The following SLC44A5 variants were observed in gnomAD, a reference collection of about 807,000 sequenced individuals.
The protein encoded by SLC44A5 is solute carrier family 44 member 5.
A neutral mutation model predicts 101.8 loss-of-function variants in SLC44A5; 57 were observed. The observed-to-expected ratio is 0.56, with a 90% CI of 0.45 to 0.70. The LOEUF is 0.70. Among genes scored for constraint, SLC44A5 ranks in the 30% least tolerant of loss-of-function variants. The probability of loss-of-function intolerance (pLI) is 0.00; values close to 1 mark genes in which losing one functional copy is unlikely to be tolerated. For missense variants in SLC44A5, 737 were observed against 853.1 expected (o/e 0.86, Z 1.70); for synonymous variants, 281 against 290.9 (o/e 0.97, Z 0.35).
In SLC44A5 at chr1:75,217,888, T is replaced by G. The variant is rs777252505; in HGVS notation, c.1602A>C (p.Glu534Asp). 6.3e-7 allele frequency: 1 copy of G among 1,598,666 alleles called. No individual in the cohort carries two copies. Among genetic ancestry groups the G allele is most frequent in the Non-Finnish European group, 8.6e-7 (1 of 1,166,322 alleles). ...ALIQMFKIVL[E>D]YLDHRLKRTQ... Reference sequence around the variant, plus strand: ...TACGTTTAAGACGGTGGTCCAAGTATTCTAGTACAATTTTAAACATTTGAA... The same window carrying G: ...TACGTTTAAGACGGTGGTCCAAGTAGTCTAGTACAATTTTAAACATTTGAA... Residue 534 changes from glutamate (E) to aspartate (D), a missense_variant, in exon 18 of 24, where the codon GAA becomes GAC. Glu to Asp is a conservative substitution (Grantham distance 45, BLOSUM62 2). Coordinates refer to ENST00000370859, the MANE Select transcript of SLC44A5 (RefSeq NM_001130058.2).
Position 75,588,778 on chromosome 1 carries a change from T to C in SLC44A5, c.-70+22262A>G, listed in dbSNP as rs189909673. On this transcript the variant is annotated intron_variant, in intron 1 of 23. Coordinates refer to ENST00000370859, the MANE Select transcript of SLC44A5 (RefSeq NM_001130058.2). ...AGATAATATTTTTTACATTTATTTC[T>C]TCCACAAATAATTGGAAACACTAAG... Among the ~76,000 whole-genome samples the C allele has an allele frequency of 1.6e-4, 24 of 152,292 alleles. No homozygotes were observed. The East Asian group carries it at 4.4e-3, about 28-fold the overall frequency.
the SLC44A5 span, among the ~76,000 whole-genome samples, chr1:75,715,814 C>T: frequency 2.6e-5 from 4 of 152,044 alleles, no homozygotes; most frequent in Admixed American, 1.3e-4. Context: ...ATTAAAGTAA[C>T]GAGCTTCTGA....
At chr1:75,556,407 T>C (rs968594349) in intron 1 of SLC44A5, among the ~76,000 whole-genome samples, 4 of 152,188 alleles carry the variant, frequency 2.6e-5, no homozygotes, top group African/African-American at 9.6e-5. Context: ...ATGATCTACA[T>C]TAAAATCTAA....
Position 75,425,435 on chromosome 1 carries a change from C to T in SLC44A5, c.14-28814G>A, listed in dbSNP as rs188588450. ...CAGATGGTCGATAAAGCTGTGAAGT[C>T]CCGAAGTCTGTAAACTTGCAGAAGC... On this transcript the variant is annotated intron_variant, in intron 2 of 23. Transcript: ENST00000370859. 2.0e-5 allele frequency among the ~76,000 whole-genome samples: 3 copies of T among 152,312 alleles called. No homozygotes were observed. The East Asian group carries it at 5.8e-4, about 29-fold the overall frequency.
chr1:75,489,960 G>A (rs1285629088), intron 2 of SLC44A5, among the ~76,000 whole-genome samples: 1 of 151,670 alleles, frequency 6.6e-6, no homozygotes, highest in African/African-American at 2.4e-5. Flanking sequence ...TGTTCAATAC[G>A]CTTAGGTATT....
intron 2 of SLC44A5, among the ~76,000 whole-genome samples, chr1:75,400,428 G>A (rs1286869748): frequency 6.6e-6 from 1 of 152,142 alleles, no homozygotes; most frequent in Non-Finnish European, 1.5e-5. Context: ...TTCTCACAGA[G>A]CCTATTTTTT....
chr1:75,683,705 A>G, the SLC44A5 span, among the ~76,000 whole-genome samples: 1 of 152,084 alleles, frequency 6.6e-6, no homozygotes, highest in African/African-American at 2.4e-5. Context: ...ATGTATACGT[A>G]TGTAACTAAC....
chr1:75,341,215 G>C (rs1291174147), intron 3 of SLC44A5, among the ~76,000 whole-genome samples: 1 of 152,184 alleles, frequency 6.6e-6, no homozygotes, highest in South Asian at 2.1e-4. Context: ...ATAAGCTCGA[G>C]AGGGCCGGAC....
At chr1:75,604,201 G>C (rs1327913696) in intron 1 of SLC44A5, among the ~76,000 whole-genome samples, 1 of 152,026 alleles carries the variant, frequency 6.6e-6, no homozygotes, top group Non-Finnish European at 1.5e-5. Context: ...ATCAAACAAG[G>C]TAGGGGTCCA....
chr1:75,642,585 C>T, the SLC44A5 span, among the ~76,000 whole-genome samples: 24 of 152,180 alleles, frequency 1.6e-4, no homozygotes, highest in East Asian at 3.7e-3. Context: ...ATTCAATAAT[C>T]TTCAGGAAGA....
chr1:75,301,646 T>C (rs1408420844), intron 4 of SLC44A5, among the ~76,000 whole-genome samples: 1 of 152,176 alleles, frequency 6.6e-6, no homozygotes, highest in Non-Finnish European at 1.5e-5. Flanking sequence ...TGGTAAGTAA[T>C]GAATAATAAT....
At chr1:75,227,079 G>T (rs1031432397) in intron 13 of SLC44A5, among the ~76,000 whole-genome samples, 1 of 152,008 alleles carries the variant, frequency 6.6e-6, no homozygotes, top group Non-Finnish European at 1.5e-5. Flanking sequence ...TTTCAGGCTG[G>T]GCACGGTGGC....
At chr1:75,366,928 T>TTG (rs1659898977) in intron 3 of SLC44A5, among the ~76,000 whole-genome samples, 1 of 130,608 alleles carries the variant, frequency 7.7e-6, no homozygotes, top group Non-Finnish European at 1.6e-5. Flanking sequence ...TGCTCTGTTT[T>TTG]TGTTATTTTT....
At chr1:75,318,061 C>T (rs1320935620) in intron 4 of SLC44A5, among the ~76,000 whole-genome samples, 1 of 152,086 alleles carries the variant, frequency 6.6e-6, no homozygotes, top group Admixed American at 6.6e-5. Context: ...TTAAAAGATA[C>T]AGTTGAAGTT....
the SLC44A5 span, among the ~76,000 whole-genome samples, chr1:75,677,034 G>T: frequency 6.6e-6 from 1 of 152,108 alleles, no homozygotes; most frequent in Non-Finnish European, 1.5e-5. Flanking sequence ...GAGAATTAAG[G>T]ACTTTCCCAG....
At chr1:75,679,711 G>A in the SLC44A5 span, among the ~76,000 whole-genome samples, 1 of 151,672 alleles carries the variant, frequency 6.6e-6, no homozygotes, top group African/African-American at 2.4e-5. Flanking sequence ...CAACTAACAA[G>A]CAAAATAACC....
chr1:75,696,890 G>GA, the SLC44A5 span, among the ~76,000 whole-genome samples: 333 of 141,268 alleles, frequency 2.4e-3, no homozygotes, highest in Middle Eastern at 3.7e-3. Flanking sequence ...CTCTGTCTCA[G>GA]AAAAAAAAAA....
rs74345466 is a variant in SLC44A5, at chr1:75,359,785, A to C, written c.53-20155T>G. On this transcript the variant is annotated intron_variant, in intron 3 of 23. Transcript: ENST00000370859. ...AATGACTGCACCAATTTACATTCTC[A>C]CCAACGGTGCACAGGGTTTGCTTTT... 2.6e-5 allele frequency among the ~76,000 whole-genome samples: 4 copies of C among 152,200 alleles called. No individual in the cohort carries two copies. The East Asian group carries it at 5.8e-4, about 22-fold the overall frequency.
chr1:75,589,949 G>T (rs12239249), intron 1 of SLC44A5, among the ~76,000 whole-genome samples: 15,205 of 152,112 alleles, frequency 0.1, 1,271 homozygotes, highest in African/African-American at 0.23. Flanking sequence ...CGCCAAAGTG[G>T]TCTTCGTCTC....
Sources: gnomAD v4.1 joint callset for allele counts (sites outside exome capture counted in the v4.1 genomes callset) on GRCh38, gnomAD v4.1.1 for gene constraint, MANE v1.5 for transcripts, NCBI Gene and HGNC (gene_info 2026-07-23, HGNC 2026-07-21) for gene names.